The following AGO2 variants were observed in gnomAD, a reference collection of about 807,000 sequenced individuals.
The protein encoded by AGO2 is protein argonaute-2.
In AGO2, 5 loss-of-function variants were observed where a neutral mutation model predicts 102.3. That is an observed-to-expected ratio of 0.05 (90% CI 0.03 to 0.10). The LOEUF is 0.10. AGO2 is among the 10% of genes least tolerant of loss of function. The pLI is 1.00. For synonymous variants in AGO2, 449 were observed against 473.1 expected (o/e 0.95, Z 0.66); for missense variants, 541 against 1,183.7 (o/e 0.46, Z 7.97).
Position 140,584,458 on chromosome 8 carries a change from C to G in AGO2, c.215+661G>C, listed in dbSNP as rs138266266. Among the ~76,000 whole-genome samples, 3 of 152,296 alleles carry G rather than the reference C, an allele frequency of 2.0e-5. No individual in the cohort carries two copies. In the East Asian group the frequency reaches 5.8e-4, roughly 29 times the overall value. Reference sequence around the variant, plus strand: ...CACATGCAGCTAAACACACAGCTGCCCTTCGGCCCAGCAATTCTACTCCTA... The same window carrying G: ...CACATGCAGCTAAACACACAGCTGCGCTTCGGCCCAGCAATTCTACTCCTA... On this transcript the variant is annotated intron_variant, in intron 2 of 18. Transcript: ENST00000220592.
At position 140,526,028 on chromosome 8, in the gene AGO2, G is replaced by A. The variant is rs965523177; in HGVS notation, c.*6016C>T. On this transcript the variant is annotated 3_prime_UTR_variant, in exon 19 of 19. Transcript: ENST00000220592. The surrounding 1 kb of genome is among the most constrained non-coding windows in gnomAD (Gnocchi z 5.2). Reference sequence around the variant, plus strand: ...GCCCTGGATTTGAACAGAATGCTTTGCTTTCAACCCTTAGTTTGTTTTGCA... The same window carrying A: ...GCCCTGGATTTGAACAGAATGCTTTACTTTCAACCCTTAGTTTGTTTTGCA... The A allele has an allele frequency of 6.6e-6, 1 of 152,178 alleles. No homozygotes were observed. The highest frequency in any genetic ancestry group is 2.4e-5 in the African/African-American group (1 of 41,450). 9.4% of individuals were successfully genotyped at this position (152,178 alleles called of 1,614,324 possible). A position where few individuals can be genotyped will look rare whatever the true frequency, so the allele number is the denominator to read the frequency against.
chr8:140,619,595 C>T (rs866191134), intron 1 of AGO2, among the ~76,000 whole-genome samples: 3 of 152,186 alleles, frequency 2.0e-5, no homozygotes, highest in East Asian at 1.9e-4. Flanking sequence ...AGGGACCTAC[C>T]CCCAGGCAAC....
intron 10 of AGO2, chr8:140,555,667 A>C (rs887377132): frequency 3.4e-6 from 2 of 594,464 alleles, no homozygotes; most frequent in African/African-American, 3.7e-5. Context: ...TGGGATAATA[A>C]AAATTATCTT....
chr8:140,606,959 ATAATT>A (rs2074005799), intron 1 of AGO2, among the ~76,000 whole-genome samples: 1 of 144,700 alleles, frequency 6.9e-6, no homozygotes, highest in African/African-American at 2.6e-5. Context: ...AATAAATTCT[ATAATT>A]TAAGGCCAGG....
intron 1 of AGO2, among the ~76,000 whole-genome samples, chr8:140,602,362 T>C (rs897884116): frequency 2.0e-5 from 3 of 152,220 alleles, no homozygotes; most frequent in Non-Finnish European, 4.4e-5. Context: ...CAGTGATATA[T>C]TTAGAAATCC....
At position 140,567,002 on chromosome 8, in the gene AGO2, G is replaced by A. The variant is rs966731297; in HGVS notation, c.337-4368C>T. On this transcript the variant is annotated intron_variant, in intron 3 of 18. Transcript: ENST00000220592. This position sits in a 1 kb window ranked among gnomAD's most constrained non-coding sequence, Gnocchi z 5.0. ...GTACTTTAGGCCCGAGTACATCTGC[G>A]GCAACAGCACTCGGCATCCAGCCTA... Among the ~76,000 whole-genome samples the A allele has an allele frequency of 1.3e-5, 2 of 152,228 alleles. No homozygotes were observed. The highest frequency in any genetic ancestry group is 1.3e-4 in the Admixed American group (2 of 15,290).
chr8:140,575,626 G>A (rs1216638621), intron 2 of AGO2, among the ~76,000 whole-genome samples: 1 of 152,124 alleles, frequency 6.6e-6, no homozygotes, highest in Non-Finnish European at 1.5e-5. Flanking sequence ...CTCATTTCAT[G>A]AGGCTAGCAA....
At position 140,551,424 on chromosome 8, in the gene AGO2, C is replaced by T; in HGVS notation, c.1282G>A (p.Ala428Thr). 6.4e-7 allele frequency: 1 copy of T among 1,570,426 alleles called. No individual in the cohort carries two copies. The highest frequency in any genetic ancestry group is 2.3e-5 in the East Asian group (1 of 43,124). ...ILYGGRNKAI[A>T]TPVQGVWDMR... ...TCCCAGACGCCCTGGACAGGGGTCG[C>T]AATAGCTTTATTCTGCAAATGGCAA... The change falls in exon 11 of 19, where the codon GCG (alanine) becomes ACG (threonine). Residue 428 changes from alanine to threonine, a missense_variant. Physicochemically the swap from Ala to Thr is moderately conservative, Grantham distance 58. Transcript: ENST00000220592.
intron 4 of AGO2, 60 bp downstream of exon 4, chr8:140,562,393 C>A: frequency 2.6e-6 from 4 of 1,550,980 alleles, no homozygotes; most frequent in Admixed American, 3.6e-5. Flanking sequence ...TCAGACCCTG[C>A]GGGGGGCCCT....
At position 140,589,955 on chromosome 8, in the gene AGO2, C is replaced by G. The variant is rs995523008; in HGVS notation, c.23-4644G>C. 6.6e-6 allele frequency among the ~76,000 whole-genome samples: 1 copy of G among 152,254 alleles called. No individual in the cohort carries two copies. Among genetic ancestry groups the G allele is most frequent in the Non-Finnish European group, 1.5e-5 (1 of 68,044 alleles). On this transcript the variant is annotated intron_variant, in intron 1 of 18. Transcript: ENST00000220592. The surrounding 1 kb of genome is among the most constrained non-coding windows in gnomAD (Gnocchi z 4.2). ...CCTCCCTTATGGCCACCCAAGTTGA[C>G]GCTAAACACAGTCATGGCAGCTTTT...
chr8:140,612,383 T>C (rs1354216607), intron 1 of AGO2, among the ~76,000 whole-genome samples: 1 of 152,146 alleles, frequency 6.6e-6, no homozygotes, highest in Admixed American at 6.6e-5. Context: ...GCCTGGTGCA[T>C]GATGGACAAA....
At chr8:140,615,222 G>A (rs2074126045) in intron 1 of AGO2, among the ~76,000 whole-genome samples, 1 of 152,180 alleles carries the variant, frequency 6.6e-6, no homozygotes, top group Non-Finnish European at 1.5e-5. Flanking sequence ...CTCCACTCCA[G>A]CCCAGGCAAC....
chr8:140,629,149 C>A (rs189863399), intron 1 of AGO2, among the ~76,000 whole-genome samples: 1 of 152,012 alleles, frequency 6.6e-6, no homozygotes, highest in African/African-American at 2.4e-5. Context: ...AATAAACGCG[C>A]GACTCTGGGG....
At chr8:140,595,666 T>A (rs867237820) in intron 1 of AGO2, among the ~76,000 whole-genome samples, 1,666 of 133,422 alleles carry the variant, frequency 0.012, 22 homozygotes, top group Middle Eastern at 0.026. Flanking sequence ...CTATATATAT[T>A]ATATATATAG....
rs911248627 is a variant in AGO2, at chr8:140,527,376, T to C, written c.*4668A>G. 6.6e-6 allele frequency: 1 copy of C among 152,552 alleles called. No individual in the cohort carries two copies. The highest frequency in any genetic ancestry group is 2.4e-5 in the African/African-American group (1 of 41,470). The allele number at this position is 152,552 out of a possible 1,614,324, so 9.4% of individuals were successfully genotyped here. A position where few individuals can be genotyped will look rare whatever the true frequency, so the allele number is the denominator to read the frequency against. Reference sequence around the variant, plus strand: ...CCACGTGTTGCATTCATGTCACTTCTCCTACCACAAATCTATTTACAATCA... The same window carrying C: ...CCACGTGTTGCATTCATGTCACTTCCCCTACCACAAATCTATTTACAATCA... On this transcript the variant is annotated 3_prime_UTR_variant, in exon 19 of 19. Transcript: ENST00000220592. This position sits in a 1 kb window ranked among gnomAD's most constrained non-coding sequence, Gnocchi z 6.0.
chr8:140,545,051 G>T (rs578182783), intron 13 of AGO2, among the ~76,000 whole-genome samples: 1 of 152,190 alleles, frequency 6.6e-6, no homozygotes. Flanking sequence ...AGAAGTGGCC[G>T]TTCTGCCAGC....
At chr8:140,619,638 GC>G in intron 1 of AGO2, among the ~76,000 whole-genome samples, 1 of 152,308 alleles carries the variant, frequency 6.6e-6, no homozygotes, top group African/African-American at 2.4e-5. Flanking sequence ...GCACTGTAAG[GC>G]CAAGGACAAG....
At chr8:140,601,126 G>C (rs2073926919) in intron 1 of AGO2, among the ~76,000 whole-genome samples, 1 of 152,178 alleles carries the variant, frequency 6.6e-6, no homozygotes, top group South Asian at 2.1e-4. Flanking sequence ...AAGTTCCCCA[G>C]TGGCATCTCA....
chr8:140,589,001 C>T lies in AGO2; in HGVS notation c.23-3690G>A, dbSNP rs142336109. Among the ~76,000 whole-genome samples the T allele has an allele frequency of 2.1e-3, 320 of 152,372 alleles. No homozygotes were observed. The highest frequency in any genetic ancestry group is 3.9e-3 in the Non-Finnish European group (263 of 68,042). ...AGTAATCGGCTTCCTGTGTGAGCAA[C>T]TGGGTCACAGGGAACAAAAAATTTC... On this transcript the variant is annotated intron_variant, in intron 1 of 18. Coordinates refer to ENST00000220592, the MANE Select transcript of AGO2 (RefSeq NM_012154.5). This position sits in a 1 kb window ranked among gnomAD's most constrained non-coding sequence, Gnocchi z 4.2.
Sources: gnomAD v4.1 joint callset for allele counts (sites outside exome capture counted in the v4.1 genomes callset) on GRCh38, gnomAD v4.1.1 for gene constraint, Gnocchi (gnomAD v3.1) non-coding constraint, MANE v1.5 for transcripts, NCBI Gene and HGNC (gene_info 2026-07-23, HGNC 2026-07-21) for gene names.